Variants in PRDM4 observed in about 807,000 individuals in gnomAD.
The protein encoded by PRDM4 is PR domain zinc finger protein 4.
In PRDM4, 38 loss-of-function variants were observed where a neutral mutation model predicts 62.3. That is an observed-to-expected ratio of 0.61 (90% CI 0.47 to 0.80). PRDM4 has a LOEUF of 0.80. PRDM4 is among the 30% of genes least tolerant of loss of function. The pLI is 0.00. For synonymous variants in PRDM4, 339 were observed against 348.2 expected, an observed-to-expected ratio of 0.97 and a Z score of 0.30; for missense variants, 858 against 997.1, an observed-to-expected ratio of 0.86 and a Z score of 1.88.
rs1329962058 is a variant in PRDM4, at chr12:107,754,054, A to G, written c.201T>C (p.Ala67=). The G allele has an allele frequency of 1.2e-6, 2 of 1,613,840 alleles. No homozygotes were observed. Among genetic ancestry groups the G allele is most frequent in the Admixed American group, 1.7e-5 (1 of 59,988 alleles). The stretch of plus-strand genomic sequence containing the variant: ...TACCCATTGGTAGCATTAAAGACAG[A>G]GCAGAAGGCAGAGAGCTCAGGGAGG... ...LGPSLSSLPS[A]LSLMLPMGIG... Residue 67 remains alanine (A), a synonymous_variant, in exon 4 of 12, where the codon GCT becomes GCC. Coordinates refer to ENST00000228437, the MANE Select transcript of PRDM4 (RefSeq NM_012406.4).
chr12:107,744,692 C>A (rs1420446705), intron 6 of PRDM4, 31 bp from the exon 7 acceptor site: 2 of 1,609,976 alleles, frequency 1.2e-6, no homozygotes, highest in East Asian at 4.5e-5. Flanking sequence ...ACTACACAAT[C>A]AATGATTTAA....
intron 10 of PRDM4, among the ~76,000 whole-genome samples, 186 bp downstream of exon 10, chr12:107,740,759 GA>G (rs565819749): frequency 7.6e-4 from 116 of 152,224 alleles, no homozygotes; most frequent in African/African-American, 2.7e-3. Flanking sequence ...CTATGGTGGG[GA>G]GACCTGGAAA....
chr12:107,734,259 A>C lies in PRDM4; in HGVS notation c.2357T>G (p.Ile786Ser), dbSNP rs1305318873. The C allele has an allele frequency of 5.0e-6, 8 of 1,614,028 alleles. No individual in the cohort carries two copies. The highest frequency in any genetic ancestry group is 6.8e-6 in the Non-Finnish European group (8 of 1,180,028). ...ATCCGCTGAATACACAGCACTGTTA[A>C]TCCTACAGTCTTCTGTCCCCACAGA... is the stretch of plus-strand genomic sequence containing the variant. Reference protein sequence around the residue: ...ADSVGTEDCRINSAVYSADES... With the variant: ...ADSVGTEDCRSNSAVYSADES... The change falls in exon 12 of 12, where the codon ATT (isoleucine) becomes AGT (serine). Residue 786 changes from isoleucine to serine, a missense_variant. Physicochemically the swap from Ile to Ser is moderately radical, Grantham distance 142. Around this residue, in one of 3 missense-constraint regions of PRDM4, gnomAD observed 355 missense variants for 432.6 expected, o/e 0.82. Coordinates refer to ENST00000228437, the MANE Select transcript of PRDM4 (RefSeq NM_012406.4).
chr12:107,756,769 C>T, intron 3 of PRDM4, 63 bp downstream of exon 3: 2 of 1,587,090 alleles, frequency 1.3e-6, no homozygotes, highest in Non-Finnish European at 1.7e-6. Flanking sequence ...CTCTTCTAGA[C>T]TCCATTTAGA....
chr12:107,753,792 T>C (rs755904016), intron 4 of PRDM4, 132 bp downstream of exon 4: 4 of 824,766 alleles, frequency 4.8e-6, no homozygotes, highest in Non-Finnish European at 7.1e-6. Context: ...TAAACAAAGA[T>C]ACTTTTCCTG....
intron 2 of PRDM4, 76 bp downstream of exon 2, chr12:107,760,429 C>A: frequency 6.3e-7 from 1 of 1,575,836 alleles, no homozygotes; most frequent in Non-Finnish European, 8.7e-7. Flanking sequence ...CCAAAAACAA[C>A]GGCACTGACC....
chr12:107,743,481 G>C (rs1328536200), intron 7 of PRDM4, among the ~76,000 whole-genome samples, 199 bp from the exon 8 acceptor site: 1 of 152,166 alleles, frequency 6.6e-6, no homozygotes, highest in Non-Finnish European at 1.5e-5. Context: ...AAGACCATCA[G>C]AGACCTACAG....
In PRDM4 at chr12:107,733,359, T is replaced by C. The variant is rs963404200; in HGVS notation, c.*851A>G. On this transcript the variant is annotated 3_prime_UTR_variant, in exon 12 of 12. Coordinates refer to ENST00000228437, the MANE Select transcript of PRDM4 (RefSeq NM_012406.4). ...CTTCCCTTCCTCAGGTGAGTCCACA[T>C]GTACTCATCAGGAGACAATCCAGCA... The C allele has an allele frequency of 4.7e-5, 7 of 149,632 alleles. No individual in the cohort carries two copies. The highest frequency in any genetic ancestry group is 1.5e-4 in the African/African-American group (6 of 41,376). 9.3% of individuals were successfully genotyped at this position (149,632 alleles called of 1,614,324 possible). A position where few individuals can be genotyped will look rare whatever the true frequency, so the allele number is the denominator to read the frequency against.
chr12:107,736,679 G>A (rs566712983), intron 11 of PRDM4: 38 of 152,290 alleles, frequency 2.5e-4, no homozygotes, highest in African/African-American at 9.1e-4. Context: ...CTGGCACTGC[G>A]GACAGAAAAC....
intron 4 of PRDM4, 114 bp from the exon 5 acceptor site, chr12:107,752,323 CTTT>C (rs1890921604): frequency 5.2e-6 from 4 of 768,868 alleles, no homozygotes; most frequent in East Asian, 2.6e-5. Flanking sequence ...TCTCCTGCTT[CTTT>C]AATTTAATCG....
rs950720457 is a variant in PRDM4 at position 107,733,603 on chromosome 12, T to C, written c.*607A>G. On this transcript the variant is annotated 3_prime_UTR_variant, in exon 12 of 12. Coordinates refer to ENST00000228437, the MANE Select transcript of PRDM4 (RefSeq NM_012406.4). The stretch of plus-strand genomic sequence containing the variant: ...GACTACTGACTGACTGCTGCTTTTT[T>C]ATTTGCCCTCCAGGCACCTGCCGAA... 2 of 152,576 alleles carry C rather than the reference T, an allele frequency of 1.3e-5. No individual in the cohort carries two copies. The highest frequency in any genetic ancestry group is 4.8e-5 in the African/African-American group (2 of 41,484). 9.5% of individuals were successfully genotyped at this position (152,576 alleles called of 1,614,324 possible). A position where few individuals can be genotyped will look rare whatever the true frequency, so the allele number is the denominator to read the frequency against.
intron 11 of PRDM4, among the ~76,000 whole-genome samples, chr12:107,737,612 T>C (rs961834700): frequency 1.3e-5 from 2 of 152,200 alleles, no homozygotes; most frequent in African/African-American, 2.4e-5. Flanking sequence ...AGAAACAATA[T>C]ATCCACTTGC....
chr12:107,752,764 A>C (rs1890937207), intron 4 of PRDM4, among the ~76,000 whole-genome samples: 3 of 152,174 alleles, frequency 2.0e-5, no homozygotes, highest in African/African-American at 7.2e-5. Context: ...TGAAGCATAT[A>C]TATTAGGAGC....
rs1276623907 is a variant in PRDM4, at chr12:107,746,335, C to G, written c.1216G>C (p.Ala406Pro). 1 of 1,614,006 alleles carries G rather than the reference C, an allele frequency of 6.2e-7. No individual in the cohort carries two copies. Among genetic ancestry groups the G allele is most frequent in the Non-Finnish European group, 8.5e-7 (1 of 1,180,012 alleles). Residue 406 changes from alanine (A) to proline (P), a missense_variant, in exon 6 of 12, where the codon GCA becomes CCA. Around this residue, in one of 3 missense-constraint regions of PRDM4, gnomAD observed 499 missense variants for 546.7 expected, o/e 0.91. Transcript: ENST00000228437. Reference protein sequence around the residue: ...FVPDTPIESRARLSLPKQLVL... With the variant: ...FVPDTPIESRPRLSLPKQLVL... ...AGCTGCTTTGGGAGAGAAAGCCTTGCTCTGCTCTCTATTGGAGTGTCAGGA... is the reference window on the plus strand; with the variant it reads ...AGCTGCTTTGGGAGAGAAAGCCTTGGTCTGCTCTCTATTGGAGTGTCAGGA...
At chr12:107,750,324 T>C (rs11113464) in intron 5 of PRDM4, among the ~76,000 whole-genome samples, 45,684 of 151,956 alleles carry the variant, frequency 0.3, 8,310 homozygotes, top group Middle Eastern at 0.42. Flanking sequence ...AGCAGGAAGA[T>C]TGCTTGAGTC....
chr12:107,739,480 C>A lies in PRDM4; in HGVS notation c.1996G>T (p.Val666Phe), dbSNP rs1351621274. The A allele has an allele frequency of 6.2e-7, 1 of 1,613,992 alleles. No individual in the cohort carries two copies. The highest frequency in any genetic ancestry group is 1.1e-5 in the South Asian group (1 of 91,082). ...TQKAHLESHM[V>F]IHTGEKNLKC... The stretch of plus-strand genomic sequence containing the variant: ...AGATTCTTCTCCCCAGTGTGGATAA[C>A]CATGTGGGACTCCAGGTGAGCCTTC... The change falls in exon 11 of 12, where the codon GTT (valine) becomes TTT (phenylalanine). Residue 666 changes from valine to phenylalanine, a missense_variant. Physicochemically the swap from Val to Phe is conservative, Grantham distance 50 (BLOSUM62 -1). Around this residue, in one of 3 missense-constraint regions of PRDM4, gnomAD observed 355 missense variants for 432.6 expected, o/e 0.82. Transcript: ENST00000228437.
In PRDM4 at chr12:107,735,769, T is replaced by TC. The variant is rs1225181252; in HGVS notation, c.2094-1248_2094-1247insG. ...ACCAGGAATTTTTTAGCTTTTTTTT[T>TC]TTTTTTGAGTAGCTGAACCCCATGT... On this transcript the variant is annotated intron_variant, in intron 11 of 11. Coordinates refer to ENST00000228437, the MANE Select transcript of PRDM4 (RefSeq NM_012406.4). Among the ~76,000 whole-genome samples the TC allele has an allele frequency of 1.1e-4, 17 of 151,920 alleles. No homozygotes were observed. The East Asian group carries it at 3.3e-3, about 29-fold the overall frequency.
Position 107,751,410 on chromosome 12 carries a change from C to T in PRDM4, c.1126+5G>A. On this transcript the variant is annotated splice_donor_5th_base_variant and intron_variant, in intron 5 of 11. Transcript: ENST00000228437. ...TTCCAAAAAAGAAAGGCTAAACACA[C>T]TCACAAATTGTAAACAAGGTTGCCA... 3 of 1,599,186 alleles carry T rather than the reference C, an allele frequency of 1.9e-6. No homozygotes were observed. The highest frequency in any genetic ancestry group is 1.1e-5 in the South Asian group (1 of 90,740).
At chr12:107,751,359 G>C in intron 5 of PRDM4, 56 bp downstream of exon 5, 1 of 1,505,876 alleles carries the variant, frequency 6.6e-7, no homozygotes, top group Non-Finnish European at 9.1e-7. Context: ...TAACTTGTTA[G>C]GGATGGTGGC....
Sources: gnomAD v4.1 joint callset for allele counts (sites outside exome capture counted in the v4.1 genomes callset) on GRCh38, gnomAD v4.1.1 for gene constraint, gnomAD v4.1.1 regional missense constraint, MANE v1.5 for transcripts, NCBI Gene and HGNC (gene_info 2026-07-23, HGNC 2026-07-21) for gene names.